Variants in KCNH2 observed in about 807,000 individuals in gnomAD.
KCNH2 encodes voltage-gated inwardly rectifying potassium channel KCNH2.
A neutral mutation model predicts 95.9 loss-of-function variants in KCNH2; 35 were observed. That is an observed-to-expected ratio of 0.37 (90% CI 0.28 to 0.48). The LOEUF (loss-of-function observed/expected upper bound fraction) is 0.48, where lower values mean the gene tolerates loss of function less well. Among genes scored for constraint, KCNH2 ranks in the 20% least tolerant of loss-of-function variants. The pLI, the probability that KCNH2 is intolerant of heterozygous loss-of-function variation, is 0.99. For synonymous variants in KCNH2, 786 were observed against 754.7 expected, an observed-to-expected ratio of 1.04 and a Z score of -0.68; for missense variants, 1,274 against 1,702.9, an observed-to-expected ratio of 0.75 and a Z score of 4.43.
At chr7:150,976,269 A>G (rs41309008) in intron 1 of KCNH2, among the ~76,000 whole-genome samples, 4,010 of 152,116 alleles carry the variant, frequency 0.026, 155 homozygotes, top group African/African-American at 0.086. Flanking sequence ...CCAGGCCATC[A>G]GGACTTGGCC....
chr7:150,971,293 G>A (rs577229085), intron 2 of KCNH2, among the ~76,000 whole-genome samples: 5 of 152,268 alleles, frequency 3.3e-5, no homozygotes, highest in East Asian at 1.9e-4. Flanking sequence ...CCCACTGGGC[G>A]TGGGGCCACC....
intron 11 of KCNH2, 32 bp downstream of exon 11, chr7:150,948,412 G>GCCCCCCC: frequency 2.5e-6 from 1 of 398,314 alleles, no homozygotes; most frequent in Non-Finnish European, 4.4e-6. Context: ...CCTTGTCCCC[G>GCCCCCCC]CCCTCCCCCT....
chr7:150,974,752 G>A lies in KCNH2; in HGVS notation c.266C>T (p.Ala89Val), dbSNP rs781247868. The A allele has an allele frequency of 3.1e-6, 5 of 1,606,190 alleles. No homozygotes were observed. The highest frequency in any genetic ancestry group is 4.2e-6 in the Non-Finnish European group (5 of 1,177,142). ...GGCGATTTCCACTTTGCGCTCCTCG[G>A]CGCCCAGCAGTGCCTGCGCGATCTG... The part of the protein sequence containing the change: ...AAQIAQALLG[A>V]EERKVEIAFY... Residue 89 changes from alanine to valine, a missense_variant, in exon 2 of 15, where the codon GCC becomes GTC. Ala to Val is a moderately conservative substitution (Grantham distance 64, BLOSUM62 0). Coordinates refer to ENST00000262186, the MANE Select transcript of KCNH2 (RefSeq NM_000238.4).
intron 2 of KCNH2, among the ~76,000 whole-genome samples, chr7:150,963,845 G>C (rs1228265601): frequency 6.6e-6 from 1 of 152,230 alleles, no homozygotes; most frequent in Non-Finnish European, 1.5e-5. Flanking sequence ...GCTCAGAGCA[G>C]AGCGGGAGAG....
chr7:150,966,201 G>C lies in KCNH2; in HGVS notation c.308-6465C>G, dbSNP rs868160977. On this transcript the variant is annotated intron_variant, in intron 2 of 14. Coordinates refer to ENST00000262186, the MANE Select transcript of KCNH2 (RefSeq NM_000238.4). ...TGCACACAGCTGCCACTGTCCACCA[G>C]GGGACACTCTGGGGTCTCCTCTAGT... Among the ~76,000 whole-genome samples the C allele has an allele frequency of 9.2e-5, 14 of 152,298 alleles. 1 individual carries two copies. In the South Asian group the frequency reaches 1.0e-3, roughly 11 times the overall value.
chr7:150,965,476 G>T (rs1563180011), intron 2 of KCNH2, among the ~76,000 whole-genome samples: 1 of 152,090 alleles, frequency 6.6e-6, no homozygotes, highest in Non-Finnish European at 1.5e-5. Flanking sequence ...GTGAAACAAG[G>T]GCACGCTGAT....
rs766869051 is a variant in KCNH2, at chr7:150,947,492, G to A, written c.2988C>T (p.Asn996=). 3.1e-6 allele frequency: 5 copies of A among 1,587,374 alleles called. No individual in the cohort carries two copies. In the South Asian group the frequency reaches 5.7e-5, roughly 18 times the overall value. Residue 996 remains asparagine (N), a synonymous_variant, in exon 13 of 15, where the codon AAC becomes AAT. Transcript: ENST00000262186. ...PLSGAFSGVS[N]IFSFWGDSRG... ...GACTGTCCCCCCAGAAGCTGAAAAT[G>A]TTGGACACTCCTGAGAAGGCGCCTG...
rs1801055770 is a variant in KCNH2 at position 150,949,615 on chromosome 7, T to A, written c.2398+553A>T. 2.8e-6 allele frequency: 3 copies of A among 1,082,980 alleles called. No individual in the cohort carries two copies. In the Admixed American group the frequency reaches 1.5e-4, roughly 52 times the overall value. 67.1% of individuals were successfully genotyped at this position (1,082,980 alleles called of 1,614,324 possible). A position where few individuals can be genotyped will look rare whatever the true frequency, so the allele number is the denominator to read the frequency against. On this transcript the variant is annotated intron_variant, in intron 9 of 14. Coordinates refer to ENST00000262186, the MANE Select transcript of KCNH2 (RefSeq NM_000238.4). ...TAAAATGTCCTACCATCAACTATGG[T>A]CGAAAGAGCTTGCTATATCTGCCCT...
chr7:150,948,390 C>T, intron 11 of KCNH2, 54 bp downstream of exon 11: 1 of 1,424,170 alleles, frequency 7.0e-7, no homozygotes, highest in Non-Finnish European at 9.6e-7. Context: ...CGCCTTCCAG[C>T]TCCCAGCCTC....
rs121912513 is a variant in KCNH2 at position 150,948,866 on chromosome 7, T to A, written c.2582A>T (p.Asn861Ile). The A allele has an allele frequency of 1.2e-5, 19 of 1,614,114 alleles. No individual in the cohort carries two copies. The highest frequency in any genetic ancestry group is 1.6e-5 in the Non-Finnish European group (19 of 1,179,998). Residue 861 changes from asparagine (N) to isoleucine (I), a missense_variant, in exon 10 of 15, where the codon AAC (asparagine) becomes ATC (isoleucine). Around this residue, in one of 7 missense-constraint regions of KCNH2, gnomAD observed 159 missense variants for 282.5 expected, o/e 0.56. Coordinates refer to ENST00000262186, the MANE Select transcript of KCNH2 (RefSeq NM_000238.4). ...GGGCAGCCAACTCACATCTCGCAGG[T>A]TGAAGGTGATCTCCAGGCTGGACCA... ...HFWSSLEITF[N>I]LRDTNMIPGS...
chr7:150,953,276 G>C (rs1034948070), intron 5 of KCNH2, among the ~76,000 whole-genome samples: 1 of 152,166 alleles, frequency 6.6e-6, no homozygotes, highest in Non-Finnish European at 1.5e-5. Context: ...GTGGCCCCAG[G>C]AGCCATAGCC....
At position 150,958,043 on chromosome 7, in the gene KCNH2, C is replaced by A; in HGVS notation, c.916+16G>T. 2 of 1,263,104 alleles carry A rather than the reference C, an allele frequency of 1.6e-6. No individual in the cohort carries two copies. Among genetic ancestry groups the A allele is most frequent in the South Asian group, 6.7e-5 (2 of 29,636 alleles). 78.2% of individuals were successfully genotyped at this position (1,263,104 alleles called of 1,614,324 possible). On this transcript the variant is annotated intron_variant, in intron 4 of 14. Coordinates refer to ENST00000262186, the MANE Select transcript of KCNH2 (RefSeq NM_000238.4). ...AAGCGTGGGCTGGGGCGGAACGGGT[C>A]CCGCGGCGCCCTCACCGGTGCTGGC... is the stretch of plus-strand genomic sequence containing the variant.
At chr7:150,954,069 T>C (rs1801280433) in intron 5 of KCNH2, among the ~76,000 whole-genome samples, 1 of 152,184 alleles carries the variant, frequency 6.6e-6, no homozygotes, top group African/African-American at 2.4e-5. Context: ...GTCAAAGATT[T>C]GACCACCCTG....
chr7:150,947,569 G>T (rs547788771), intron 12 of KCNH2, 37 bp downstream of exon 12: 1 of 1,607,776 alleles, frequency 6.2e-7, no homozygotes, highest in African/African-American at 1.3e-5. Flanking sequence ...CCGCTGCCAC[G>T]CCCGGTCCTC....
chr7:150,948,421 CT>C, intron 11 of KCNH2, 22 bp downstream of exon 11: 1 of 1,360,856 alleles, frequency 7.3e-7, no homozygotes, highest in Non-Finnish European at 1.0e-6. Flanking sequence ...CGCCCTCCCC[CT>C]TCCTCCCCTC....
In KCNH2 at chr7:150,957,297, G is replaced by A. The variant is rs1166348930; in HGVS notation, c.1122C>T (p.Val374=). The A allele has an allele frequency of 3.8e-6, 6 of 1,573,442 alleles. No individual in the cohort carries two copies. Among genetic ancestry groups the A allele is most frequent in the Admixed American group, 1.9e-5 (1 of 53,038 alleles). ...KERTHNVTEK[V]TQVLSLGADV... is the part of the protein sequence containing the mutation. ...CCGGCCGCTGGGCGCCTACCTGGGT[G>A]ACCTTCTCAGTGACATTGTGGGTTC... The change falls in exon 5 of 15, where the codon GTC becomes GTT. Residue 374 remains valine, a synonymous_variant. Coordinates refer to ENST00000262186, the MANE Select transcript of KCNH2 (RefSeq NM_000238.4).
rs769972412 is a variant in KCNH2, at chr7:150,947,679, G to C, written c.2892C>G (p.Pro964=). 1.0e-5 allele frequency: 16 copies of C among 1,601,570 alleles called. No individual in the cohort carries two copies. The highest frequency in any genetic ancestry group is 3.4e-5 in the Admixed American group (2 of 58,652). Residue 964 remains proline, a synonymous_variant, in exon 12 of 15, where the codon CCC becomes CCG. Coordinates refer to ENST00000262186, the MANE Select transcript of KCNH2 (RefSeq NM_000238.4). ...GGGGCTCCCCACCCGGCGGCTCTCC[G>C]GGGGGCCTGGGGCTGGAGAAGGGCA... ...RLVPFSSPRP[P]GEPPGGEPLM...
In KCNH2 at chr7:150,961,447, G is replaced by A. The variant is rs978397356; in HGVS notation, c.308-1711C>T. On this transcript the variant is annotated intron_variant, in intron 2 of 14. Coordinates refer to ENST00000262186, the MANE Select transcript of KCNH2 (RefSeq NM_000238.4). The surrounding 1 kb of genome is among the most constrained non-coding windows in gnomAD (Gnocchi z 6.2). ...CAAGTAGCTGGGACTACAGCTGCATGCTACCACACCCAGCTAACTTTTGTA... is the reference window on the plus strand; with the variant it reads ...CAAGTAGCTGGGACTACAGCTGCATACTACCACACCCAGCTAACTTTTGTA... Among the ~76,000 whole-genome samples the A allele has an allele frequency of 3.9e-5, 6 of 152,124 alleles. No individual in the cohort carries two copies. The highest frequency in any genetic ancestry group is 1.2e-4 in the African/African-American group (5 of 41,410).
chr7:150,977,809 C>A (rs1563193445), intron 1 of KCNH2, 29 bp downstream of exon 1: 1 of 1,248,420 alleles, frequency 8.0e-7, no homozygotes, highest in Admixed American at 2.0e-5. Context: ...CCAGAGCCCC[C>A]TCCCCGCTCA....
Sources: gnomAD v4.1 joint callset for allele counts (sites outside exome capture counted in the v4.1 genomes callset) on GRCh38, gnomAD v4.1.1 for gene constraint, gnomAD v4.1.1 regional missense constraint, Gnocchi (gnomAD v3.1) non-coding constraint, MANE v1.5 for transcripts, NCBI Gene and HGNC (gene_info 2026-07-23, HGNC 2026-07-21) for gene names.